The following PRUNE2 variants were observed in gnomAD, a reference collection of about 807,000 sequenced individuals.
The protein encoded by PRUNE2 is protein prune homolog 2.
Under a neutral mutation model 252.0 loss-of-function variants are expected in PRUNE2, and 164 were observed. The ratio of observed to expected loss-of-function variants is 0.65; its 90% CI spans 0.57 to 0.74. PRUNE2 has a LOEUF of 0.74. PRUNE2 is among the 30% of genes least tolerant of loss of function. The pLI is 0.00. For missense variants in PRUNE2, 3,495 were observed against 3,711.0 expected, an observed-to-expected ratio of 0.94 and a Z score of 1.51; for synonymous variants, 1,292 against 1,350.2, an observed-to-expected ratio of 0.96 and a Z score of 0.94.
At chr9:76,720,874 G>T (rs986633997) in intron 6 of PRUNE2, among the ~76,000 whole-genome samples, 3 of 152,124 alleles carry the variant, frequency 2.0e-5, no homozygotes, top group African/African-American at 7.2e-5. Context: ...TAAGGTTTGG[G>T]AGGCTGAGGC....
At chr9:76,851,217 T>G (rs2132558302) in intron 2 of PRUNE2, among the ~76,000 whole-genome samples, 1 of 152,030 alleles carries the variant, frequency 6.6e-6, no homozygotes, top group African/African-American at 2.4e-5. Flanking sequence ...CAGCCAATGG[T>G]TCACATGTAA....
chr9:76,863,512 C>A (rs2060666161), intron 1 of PRUNE2, among the ~76,000 whole-genome samples: 5 of 152,208 alleles, frequency 3.3e-5, no homozygotes, highest in Admixed American at 3.3e-4. Flanking sequence ...ATATTCAACT[C>A]TGGTAACATC....
intron 6 of PRUNE2, among the ~76,000 whole-genome samples, chr9:76,767,462 A>AAG (rs2052539871): frequency 6.7e-6 from 1 of 148,934 alleles, no homozygotes; most frequent in African/African-American, 2.6e-5. Context: ...AAAAAAAAAA[A>AAG]GAAAGAAAGA....
intron 6 of PRUNE2, among the ~76,000 whole-genome samples, chr9:76,715,307 G>A (rs1439833279): frequency 6.6e-6 from 1 of 152,198 alleles, no homozygotes; most frequent in Non-Finnish European, 1.5e-5. Flanking sequence ...CTGTAATTCT[G>A]CTGAGTTGAA....
At chr9:76,825,514 C>G (rs554694696) in intron 5 of PRUNE2, among the ~76,000 whole-genome samples, 2 of 152,354 alleles carry the variant, frequency 1.3e-5, no homozygotes, top group South Asian at 4.1e-4. Context: ...GGCTCTGCCC[C>G]CTCCTGCCCC....
intron 6 of PRUNE2, among the ~76,000 whole-genome samples, chr9:76,791,338 T>G (rs56328403): frequency 0.42 from 69 of 166 alleles, no homozygotes; most frequent in Admixed American, 0.5. Flanking sequence ...CTGCACCAAT[T>G]ATCATTGGTA....
At chr9:76,807,863 G>A (rs1180549576) in intron 6 of PRUNE2, among the ~76,000 whole-genome samples, 2 of 152,230 alleles carry the variant, frequency 1.3e-5, no homozygotes, top group Admixed American at 6.5e-5. Flanking sequence ...ACTGATGTCT[G>A]TCTGTCATTT....
chr9:76,730,727 C>A (rs968348460), intron 6 of PRUNE2, among the ~76,000 whole-genome samples: 2 of 152,112 alleles, frequency 1.3e-5, no homozygotes, highest in African/African-American at 4.8e-5. Context: ...TGGTGAAACC[C>A]CATCTCTATT....
intron 11 of PRUNE2, among the ~76,000 whole-genome samples, chr9:76,649,938 C>CT (rs11448854): frequency 0.78 from 114,747 of 147,128 alleles, 44,379 homozygotes; most frequent in Middle Eastern, 0.82. Flanking sequence ...GTAACGCTTA[C>CT]TTTTTTTTTT....
Position 76,707,520 on chromosome 9 carries a change from T to C in PRUNE2, c.4754A>G (p.Glu1585Gly), listed in dbSNP as rs2046394445. 6.2e-7 allele frequency: 1 copy of C among 1,614,014 alleles called. No individual in the cohort carries two copies. Among genetic ancestry groups the C allele is most frequent in the Non-Finnish European group, 8.5e-7 (1 of 1,179,872 alleles). ...TACTTGGCCATCAGTGGTAATTAGTTCAGATTCTTGGTGATTCTGTTCACT... is the reference window on the plus strand; with the variant it reads ...TACTTGGCCATCAGTGGTAATTAGTCCAGATTCTTGGTGATTCTGTTCACT... ...NWSEQNHQES[E>G]LITTDGQVEI... Residue 1585 changes from glutamate to glycine, a missense_variant, in exon 8 of 19, where the codon GAA (glutamate) becomes GGA (glycine). Physicochemically the swap from Glu to Gly is moderately conservative, Grantham distance 98. Transcript: ENST00000376718.
intron 4 of PRUNE2, among the ~76,000 whole-genome samples, chr9:76,835,199 T>C (rs13297748): frequency 0.046 from 7,031 of 152,234 alleles, 201 homozygotes; most frequent in Non-Finnish European, 0.069. Flanking sequence ...ATATTAAATA[T>C]GATCTAATGA....
intron 9 of PRUNE2, among the ~76,000 whole-genome samples, chr9:76,672,581 C>G (rs573229028): frequency 7.7e-6 from 1 of 129,036 alleles, no homozygotes; most frequent in African/African-American, 3.0e-5. Context: ...ACTCTCCACC[C>G]CAAATCAACA....
intron 6 of PRUNE2, among the ~76,000 whole-genome samples, chr9:76,753,669 C>T (rs1033643685): frequency 1.3e-5 from 2 of 152,110 alleles, no homozygotes; most frequent in Non-Finnish European, 2.9e-5. Flanking sequence ...AGTGCCAGCA[C>T]TTTGGGAGGC....
intron 1 of PRUNE2, among the ~76,000 whole-genome samples, chr9:76,866,537 C>T (rs557839048): frequency 9.8e-5 from 15 of 152,320 alleles, no homozygotes; most frequent in South Asian, 8.3e-4. Flanking sequence ...ACAAGACATA[C>T]GCCTGCCTTC....
intron 1 of PRUNE2, among the ~76,000 whole-genome samples, chr9:76,887,809 G>A (rs2062196076): frequency 6.6e-6 from 1 of 152,192 alleles, no homozygotes; most frequent in African/African-American, 2.4e-5. Flanking sequence ...ACATGAGCAG[G>A]AAATAGACCT....
At chr9:76,637,156 T>C (rs187227704) in intron 14 of PRUNE2, among the ~76,000 whole-genome samples, 17 of 152,282 alleles carry the variant, frequency 1.1e-4, no homozygotes, top group East Asian at 3.9e-4. Context: ...AAATGTAAAA[T>C]AGAATGGTTG....
At chr9:76,827,551 T>C (rs947339932) in intron 4 of PRUNE2, among the ~76,000 whole-genome samples, 4 of 152,062 alleles carry the variant, frequency 2.6e-5, no homozygotes, top group African/African-American at 7.2e-5. Context: ...TCTCTAAAAA[T>C]CCCCAAATCT....
At chr9:76,630,061 A>G (rs903511227) in intron 15 of PRUNE2, among the ~76,000 whole-genome samples, 6 of 152,118 alleles carry the variant, frequency 3.9e-5, no homozygotes, top group Non-Finnish European at 5.9e-5. Flanking sequence ...ACTCTTGACC[A>G]TATATTGTGC....
chr9:76,822,546 G>A (rs1289885781), intron 6 of PRUNE2, among the ~76,000 whole-genome samples: 2 of 152,166 alleles, frequency 1.3e-5, no homozygotes, highest in Non-Finnish European at 2.9e-5. Context: ...GGTGGCTCAC[G>A]CCAGTAATCC....
Sources: gnomAD v4.1 joint callset for allele counts (sites outside exome capture counted in the v4.1 genomes callset) on GRCh38, gnomAD v4.1.1 for gene constraint, MANE v1.5 for transcripts, NCBI Gene and HGNC (gene_info 2026-07-23, HGNC 2026-07-21) for gene names.